The following COLEC12 variants were observed in gnomAD, a reference collection of about 807,000 sequenced individuals.
COLEC12 encodes the protein collectin-12.
COLEC12 carries 33 observed loss-of-function variants against 71.1 expected under a neutral mutation model. The observed-to-expected ratio is 0.46, with a 90% CI of 0.35 to 0.62. The LOEUF (loss-of-function observed/expected upper bound fraction) is 0.62. COLEC12 is among the 20% of genes least tolerant of loss of function. The pLI is 0.00. For synonymous variants in COLEC12, 350 were observed against 353.0 expected, an observed-to-expected ratio of 0.99 and a Z score of 0.10; for missense variants, 765 against 916.1, an observed-to-expected ratio of 0.84 and a Z score of 2.13.
Position 335,575 on chromosome 18 carries a change from T to C in COLEC12, c.1328-345A>G, listed in dbSNP as rs138492669. 3.8e-3 allele frequency among the ~76,000 whole-genome samples: 573 copies of C among 152,098 alleles called. 2 individuals carry two copies. The highest frequency in any genetic ancestry group is 0.013 in the African/African-American group (534 of 41,498). On this transcript the variant is annotated intron_variant, in intron 5 of 9. Coordinates refer to ENST00000400256, the MANE Select transcript of COLEC12 (RefSeq NM_130386.3). ...AAGAGGGGATTAGGTCACAGACACA[T>C]AGAGGAAAGATCGCTTGAGGGCACA... is the stretch of plus-strand genomic sequence containing the variant.
At chr18:478,917 C>CT (rs892552008) in intron 2 of COLEC12, among the ~76,000 whole-genome samples, 1 of 152,148 alleles carries the variant, frequency 6.6e-6, no homozygotes, top group African/African-American at 2.4e-5. Flanking sequence ...CATAAATGTA[C>CT]TTTTTTGTGT....
chr18:357,824 C>G (rs1914661223), intron 2 of COLEC12, among the ~76,000 whole-genome samples: 1 of 152,220 alleles, frequency 6.6e-6, no homozygotes, highest in Non-Finnish European at 1.5e-5. Context: ...TAGGCAATTT[C>G]ATCACTGTGT....
intron 2 of COLEC12, among the ~76,000 whole-genome samples, chr18:396,679 G>C (rs1262918409): frequency 2.0e-5 from 3 of 152,250 alleles, no homozygotes; most frequent in Non-Finnish European, 4.4e-5. Context: ...AGATGGACCA[G>C]CCCTTCTGGA....
chr18:328,647 C>T (rs980264876), intron 8 of COLEC12, among the ~76,000 whole-genome samples: 7 of 152,178 alleles, frequency 4.6e-5, no homozygotes, highest in African/African-American at 1.4e-4. Context: ...AGCTATCACA[C>T]TTTATTTTCA....
At position 468,570 on chromosome 18, in the gene COLEC12, TGA is replaced by T. The variant is rs534756949; in HGVS notation, c.58+12135_58+12136del. ...CAGAGTGTATATTCACATATACATATGAGAGACACAAATGAAATGCTGAACTC... is the reference window on the plus strand; with the variant it reads ...CAGAGTGTATATTCACATATACATATGAGACACAAATGAAATGCTGAACTC... On this transcript the variant is annotated intron_variant, in intron 2 of 9. Coordinates refer to ENST00000400256, the MANE Select transcript of COLEC12 (RefSeq NM_130386.3). 9.9e-4 allele frequency among the ~76,000 whole-genome samples: 151 copies of T among 152,216 alleles called. 1 individual carries two copies. The highest frequency in any genetic ancestry group is 1.5e-3 in the Non-Finnish European group (101 of 68,034).
At chr18:353,865 GGT>G in intron 3 of COLEC12, among the ~76,000 whole-genome samples, 1 of 152,250 alleles carries the variant, frequency 6.6e-6, no homozygotes, top group Admixed American at 6.5e-5. Context: ...CTGATTGTAG[GGT>G]GTTATCCTGG....
intron 2 of COLEC12, among the ~76,000 whole-genome samples, chr18:468,951 TAGCTGCTATTA>T (rs1160560880): frequency 2.0e-5 from 3 of 152,276 alleles, no homozygotes; most frequent in Non-Finnish European, 4.4e-5. Context: ...TAAGTGAACA[TAGCTGCTATTA>T]ATCAGCAGAG....
chr18:335,129 G>A lies in COLEC12; in HGVS notation c.1429C>T (p.Pro477Ser), dbSNP rs1157456224. 1 of 1,612,616 alleles carries A rather than the reference G, an allele frequency of 6.2e-7. No individual in the cohort carries two copies. Among genetic ancestry groups the A allele is most frequent in the African/African-American group, 1.3e-5 (1 of 74,778 alleles). The change falls in exon 6 of 10, where the codon CCA becomes TCA. Residue 477 changes from proline to serine, a missense_variant. By Grantham distance (74) the Pro-to-Ser change is moderately conservative. Coordinates refer to ENST00000400256, the MANE Select transcript of COLEC12 (RefSeq NM_130386.3). ...GQKGEKGEPGPPGPAGERGPI... is the reference protein window; with the variant it reads ...GQKGEKGEPGSPGPAGERGPI... ...CCTCTCTCACCCGCAGGGCCAGGTG[G>A]TCCAGGCTCCCCCTTCTCTCCTTTC...
At chr18:361,056 C>T (rs181000616) in intron 2 of COLEC12, among the ~76,000 whole-genome samples, 116 of 152,306 alleles carry the variant, frequency 7.6e-4, no homozygotes, top group African/African-American at 2.6e-3. Context: ...AAGACACCAT[C>T]ATTTCTTCTC....
At chr18:468,123 G>C (rs928977436) in intron 2 of COLEC12, among the ~76,000 whole-genome samples, 1 of 152,018 alleles carries the variant, frequency 6.6e-6, no homozygotes, top group Non-Finnish European at 1.5e-5. Flanking sequence ...TTATCTGGTT[G>C]TGGTGTCATG....
intron 1 of COLEC12, among the ~76,000 whole-genome samples, chr18:482,993 T>G (rs118079964): frequency 0.042 from 6,350 of 152,320 alleles, 193 homozygotes; most frequent in Admixed American, 0.12. Context: ...AAAAGAGACA[T>G]GATCTAGCTA....
At chr18:463,754 T>A (rs373225255) in intron 2 of COLEC12, among the ~76,000 whole-genome samples, 74 of 152,302 alleles carry the variant, frequency 4.9e-4, no homozygotes, top group African/African-American at 1.6e-3. Context: ...ATCACCAGCT[T>A]ATTCACCGGT....
At chr18:361,170 CA>C (rs1292585488) in intron 2 of COLEC12, among the ~76,000 whole-genome samples, 1 of 152,144 alleles carries the variant, frequency 6.6e-6, no homozygotes, top group Non-Finnish European at 1.5e-5. Flanking sequence ...TACAGTGTGC[CA>C]GGTTCTGAGC....
rs1351022134 is a variant in COLEC12, at chr18:347,065, C to T, written c.557G>A (p.Ser186Asn). 1 of 1,614,160 alleles carries T rather than the reference C, an allele frequency of 6.2e-7. No homozygotes were observed. ...GYVTNLQQDTSVLQGNLQNQM... is the reference protein window; with the variant it reads ...GYVTNLQQDTNVLQGNLQNQM... ...GTTCTGCAGATTGCCCTGGAGCACG[C>T]TGGTATCTTGCTGCAGATTCGTGAC... The change falls in exon 5 of 10, where the codon AGC (serine) becomes AAC (asparagine). Residue 186 changes from serine to asparagine, a missense_variant. By Grantham distance (46) the Ser-to-Asn change is conservative. Coordinates refer to ENST00000400256, the MANE Select transcript of COLEC12 (RefSeq NM_130386.3).
intron 2 of COLEC12, among the ~76,000 whole-genome samples, chr18:421,080 C>T (rs963271432): frequency 1.3e-5 from 2 of 152,176 alleles, no homozygotes; most frequent in African/African-American, 4.8e-5. Context: ...TGAACAAAGC[C>T]ACACAGCTTT....
chr18:445,345 T>C (rs1916626400), intron 2 of COLEC12, among the ~76,000 whole-genome samples: 1 of 152,228 alleles, frequency 6.6e-6, no homozygotes, highest in South Asian at 2.1e-4. Context: ...ATGTTGCCTA[T>C]ATTTGCAACA....
intron 2 of COLEC12, among the ~76,000 whole-genome samples, chr18:379,534 A>G (rs1432884647): frequency 1.3e-5 from 2 of 152,212 alleles, no homozygotes; most frequent in Non-Finnish European, 2.9e-5. Context: ...ACAAAGGGAA[A>G]AAGGAAGAAG....
intron 2 of COLEC12, among the ~76,000 whole-genome samples, chr18:363,527 G>GT (rs1308188310): frequency 6.6e-6 from 1 of 152,070 alleles, no homozygotes; most frequent in Admixed American, 6.5e-5. Context: ...TTTTCATGTG[G>GT]TTTTTTTACA....
chr18:461,123 G>C (rs1916975137), intron 2 of COLEC12, among the ~76,000 whole-genome samples: 1 of 152,102 alleles, frequency 6.6e-6, no homozygotes, highest in Non-Finnish European at 1.5e-5. Flanking sequence ...AGGATGTTTA[G>C]ACTGATTAAT....
Sources: gnomAD v4.1 joint callset for allele counts (sites outside exome capture counted in the v4.1 genomes callset) on GRCh38, gnomAD v4.1.1 for gene constraint, MANE v1.5 for transcripts, NCBI Gene and HGNC (gene_info 2026-07-23, HGNC 2026-07-21) for gene names.